Variants in ZSCAN32 observed in about 807,000 individuals in gnomAD.
ZSCAN32 encodes zinc finger and SCAN domain containing 32, also known as zinc finger and SCAN domain-containing protein 32.
Under a neutral mutation model 47.4 loss-of-function variants are expected in ZSCAN32, and 52 were observed. The observed-to-expected ratio is 1.10, with a 90% CI of 0.88 to 1.38. The LOEUF (loss-of-function observed/expected upper bound fraction) is 1.38, where lower values mean the gene tolerates loss of function less well. Among genes scored for constraint, ZSCAN32 ranks in the 40% most tolerant of loss-of-function variants. The probability of loss-of-function intolerance (pLI) is 0.00; values close to 1 mark genes in which losing one functional copy is unlikely to be tolerated. For synonymous variants in ZSCAN32, 346 were observed against 305.7 expected (o/e 1.13, Z -1.38); for missense variants, 959 against 846.0 (o/e 1.13, Z -1.66).
chr16:3,400,431 G>C (rs1210490879), intron 1 of ZSCAN32, among the ~76,000 whole-genome samples: 1 of 152,150 alleles, frequency 6.6e-6, no homozygotes, highest in Non-Finnish European at 1.5e-5. Flanking sequence ...ACTTCATGCA[G>C]AAGGCGGAAC....
At position 3,382,706 on chromosome 16, in the gene ZSCAN32, C is replaced by G; in HGVS notation, c.*146G>C. The G allele has an allele frequency of 7.5e-7, 1 of 1,334,126 alleles. No individual in the cohort carries two copies. Among genetic ancestry groups the G allele is most frequent in the Non-Finnish European group, 1.0e-6 (1 of 1,003,246 alleles). 82.6% of individuals were successfully genotyped at this position (1,334,126 alleles called of 1,614,324 possible). ...GCCAGGAGAGGTCAGCGTCCTTATG[C>G]TGACTCCTGGTCCTAGACATGGGTC... On this transcript the variant is annotated 3_prime_UTR_variant, in exon 7 of 7. Coordinates refer to ENST00000396852, the MANE Select transcript of ZSCAN32 (RefSeq NM_001284527.2).
At position 3,393,732 on chromosome 16, in the gene ZSCAN32, T is replaced by C. The variant is rs899839727; in HGVS notation, c.449A>G (p.Gln150Arg). 1 of 1,550,500 alleles carries C rather than the reference T, an allele frequency of 6.4e-7. No homozygotes were observed. The highest frequency in any genetic ancestry group is 2.4e-5 in the East Asian group (1 of 40,892). ...CTCTGGCTGAACCTCCTGTTTCCAT[T>C]GGGATCTCAGTGATTCTCTGGTTGC... ...LGATRESLRS[Q>R]WKQEVQPEEP... The change falls in exon 3 of 7, where the codon CAA becomes CGA. Residue 150 changes from glutamine to arginine, a missense_variant. Physicochemically the swap from Gln to Arg is conservative, Grantham distance 43 (BLOSUM62 1). Transcript: ENST00000396852.
rs115584166 is a variant in ZSCAN32, at chr16:3,399,756, T to C, written c.-188+1189A>G. ...CCACCATGCCCGACCTTAAAAATAA[T>C]TTTAAATAGAAGCTAACTTTTGTAT... On this transcript the variant is annotated intron_variant, in intron 1 of 6. Coordinates refer to ENST00000396852, the MANE Select transcript of ZSCAN32 (RefSeq NM_001284527.2). Among the ~76,000 whole-genome samples the C allele has an allele frequency of 3.2e-3, 491 of 152,168 alleles. 5 individuals carry two copies. Among genetic ancestry groups the C allele is most frequent in the African/African-American group, 0.011 (465 of 41,510 alleles).
At chr16:3,398,043 A>C (rs2033541783) in intron 1 of ZSCAN32, among the ~76,000 whole-genome samples, 1 of 152,228 alleles carries the variant, frequency 6.6e-6, no homozygotes, top group Non-Finnish European at 1.5e-5. Context: ...AATTTAGTTT[A>C]TAGTTTGAAT....
At chr16:3,390,557 C>A in intron 3 of ZSCAN32, 40 bp from the exon 4 acceptor site, 1 of 1,480,788 alleles carries the variant, frequency 6.8e-7, no homozygotes, top group Non-Finnish European at 9.2e-7. Flanking sequence ...GCGGCTTCCA[C>A]ACAACAGCAC....
In ZSCAN32 at chr16:3,382,920, G is replaced by A. The variant is rs758898713; in HGVS notation, c.2026C>T (p.Leu676Phe). ...ATGTGTACTGTCTGATGACGGGTGA[G>A]GGCAGAGTTCTTAGTGAAGCCTCTC... Reference protein sequence around the residue: ...CERGFTKNSALTRHQTVHMKA... With the variant: ...CERGFTKNSAFTRHQTVHMKA... The change falls in exon 7 of 7, where the codon CTC becomes TTC. Residue 676 changes from leucine to phenylalanine, a missense_variant. By Grantham distance (22) the Leu-to-Phe change is conservative. Transcript: ENST00000396852. 2 of 1,612,058 alleles carry A rather than the reference G, an allele frequency of 1.2e-6. No homozygotes were observed. The highest frequency in any genetic ancestry group is 1.3e-5 in the African/African-American group (1 of 74,934).
intron 1 of ZSCAN32, among the ~76,000 whole-genome samples, chr16:3,399,726 A>G (rs2033710489): frequency 6.6e-6 from 1 of 151,486 alleles, no homozygotes; most frequent in Non-Finnish European, 1.5e-5. Flanking sequence ...GATTACAAGT[A>G]TAAGCCACCA....
At chr16:3,385,005 C>T in intron 5 of ZSCAN32, 64 bp from the exon 6 acceptor site, 1 of 1,534,202 alleles carries the variant, frequency 6.5e-7, no homozygotes, top group East Asian at 2.3e-5. Context: ...GTACATACTG[C>T]AGTGTGCAGT....
chr16:3,393,241 T>TTATA (rs1183166388), intron 3 of ZSCAN32, among the ~76,000 whole-genome samples: 2 of 10,624 alleles, frequency 1.9e-4, no homozygotes, highest in Admixed American at 1.1e-3. Context: ...TTTATATATT[T>TTATA]TATATATATA....
chr16:3,394,729 C>G lies in ZSCAN32; in HGVS notation c.367-915G>C, dbSNP rs193240853. Among the ~76,000 whole-genome samples the G allele has an allele frequency of 4.5e-3, 681 of 152,334 alleles. 3 individuals are homozygous for G. The highest frequency in any genetic ancestry group is 0.01 in the Admixed American group (155 of 15,310). ...CCAGCATCATTCTGCCCGGCCTCCT[C>G]CCTTTCTCTCACAGCACTCTTCCCC... On this transcript the variant is annotated intron_variant, in intron 2 of 6. Coordinates refer to ENST00000396852, the MANE Select transcript of ZSCAN32 (RefSeq NM_001284527.2).
At chr16:3,392,279 G>T (rs1790588274) in intron 3 of ZSCAN32, among the ~76,000 whole-genome samples, 1 of 152,066 alleles carries the variant, frequency 6.6e-6, no homozygotes, top group Non-Finnish European at 1.5e-5. Context: ...AGACAGAGGT[G>T]ATGGCTGCAT....
chr16:3,382,960 C>T lies in ZSCAN32; in HGVS notation c.1986G>A (p.Arg662=), dbSNP rs372402522. ...RKTHTGEKPY[R]CSHCERGFTK... is the part of the protein sequence containing the mutation. ...TGAAGCCTCTCTCACAGTGAGAACA[C>T]CTGTAAGGCTTTTCACCAGTGTGGG... The change falls in exon 7 of 7, where the codon AGG becomes AGA. Residue 662 remains arginine (R), a synonymous_variant. Coordinates refer to ENST00000396852, the MANE Select transcript of ZSCAN32 (RefSeq NM_001284527.2). The T allele has an allele frequency of 6.2e-7, 1 of 1,613,948 alleles. No homozygotes were observed. The highest frequency in any genetic ancestry group is 8.5e-7 in the Non-Finnish European group (1 of 1,179,996).
At chr16:3,386,670 T>C (rs1391259176) in intron 5 of ZSCAN32, among the ~76,000 whole-genome samples, 2 of 152,032 alleles carry the variant, frequency 1.3e-5, no homozygotes, top group African/African-American at 2.4e-5. Context: ...AAACCATCAT[T>C]CTCAGCAAAC....
At position 3,397,242 on chromosome 16, in the gene ZSCAN32, C is replaced by T. The variant is rs552573948; in HGVS notation, c.316G>A (p.Glu106Lys). ...TCCTCAACCAGAGCCACAGCTTCCT[C>T]GCCGTTTTCTGGATGCTGCTCCCTC... is the stretch of plus-strand genomic sequence containing the variant. ...WVREQHPENG[E>K]EAVALVEDVQ... Residue 106 changes from glutamate (E) to lysine (K), a missense_variant, in exon 2 of 7, where the codon GAG (glutamate) becomes AAG (lysine). Coordinates refer to ENST00000396852, the MANE Select transcript of ZSCAN32 (RefSeq NM_001284527.2). The T allele has an allele frequency of 7.9e-5, 124 of 1,560,956 alleles. No individual in the cohort carries two copies. The South Asian group carries it at 9.2e-4, about 12-fold the overall frequency.
Position 3,393,808 on chromosome 16 carries a change from CT to C in ZSCAN32, c.372del (p.Asp125IlefsTer6). ...DVQRAPGQQV[L>X]DSEKDLKVLM... ...AGTACTTTCAAGTCCTTCTCAGAAT[CT>C]AGAACCTGAGAACAGACCCCATTAT... is the stretch of plus-strand genomic sequence containing the variant. On this transcript the variant is annotated frameshift_variant, in exon 3 of 7. Transcript: ENST00000396852. LOFTEE classifies it high-confidence loss of function. The C allele has an allele frequency of 8.4e-6, 13 of 1,549,058 alleles. No individual in the cohort carries two copies. Among genetic ancestry groups the C allele is most frequent in the African/African-American group, 1.4e-5 (1 of 73,134 alleles).
intron 1 of ZSCAN32, among the ~76,000 whole-genome samples, chr16:3,399,201 C>A (rs1162460196): frequency 6.6e-6 from 1 of 152,118 alleles, no homozygotes; most frequent in Non-Finnish European, 1.5e-5. Flanking sequence ...CCAGCCTGGG[C>A]AACAAGAGCG....
rs1172446351 is a variant in ZSCAN32 at position 3,397,119 on chromosome 16, G to C, written c.366+73C>G. 2.1e-6 allele frequency: 3 copies of C among 1,459,682 alleles called. No individual in the cohort carries two copies. In the African/African-American group the frequency reaches 4.3e-5, roughly 21 times the overall value. The allele number at this position is 1,459,682 out of a possible 1,614,324, so 90.4% of individuals were successfully genotyped here. A position where few individuals can be genotyped will look rare whatever the true frequency, so the allele number is the denominator to read the frequency against. On this transcript the variant is annotated intron_variant, in intron 2 of 6. Coordinates refer to ENST00000396852, the MANE Select transcript of ZSCAN32 (RefSeq NM_001284527.2). ...GGGCTACTGTGTGTTTCTCAACCAA[G>C]CACCTCTCCAGTAACTGGATTCCCC...
intron 2 of ZSCAN32, among the ~76,000 whole-genome samples, chr16:3,395,864 G>A (rs554035992): frequency 6.6e-6 from 1 of 152,286 alleles, no homozygotes; most frequent in Non-Finnish European, 1.5e-5. Context: ...TGGGCATGGT[G>A]GTGTGCACCT....
rs569769443 is a variant in ZSCAN32, at chr16:3,389,615, G to A, written c.751+395C>T. On this transcript the variant is annotated intron_variant, in intron 5 of 6. Transcript: ENST00000396852. ...CTGTCCTGGTTGGGTGGTTTTATTT[G>A]TTAATCTCCTCTGCCACTGGGGAAA... Among the ~76,000 whole-genome samples the A allele has an allele frequency of 1.2e-4, 18 of 152,276 alleles. No homozygotes were observed. The South Asian group carries it at 3.1e-3, about 26-fold the overall frequency.
Sources: allele counts gnomAD v4.1 joint callset (sites outside exome capture counted in the v4.1 genomes callset), GRCh38; gene constraint gnomAD v4.1.1; transcripts MANE v1.5; gene names NCBI Gene and HGNC (gene_info 2026-07-23, HGNC 2026-07-21).